Variants in ADCY8 observed in about 807,000 individuals in gnomAD.
The protein encoded by ADCY8 is adenylate cyclase type 8.
A neutral mutation model predicts 119.7 loss-of-function variants in ADCY8; 51 were observed. The ratio of observed to expected loss-of-function variants is 0.43; its 90% confidence interval spans 0.34 to 0.54. The LOEUF (loss-of-function observed/expected upper bound fraction) is 0.54, where lower values mean the gene tolerates loss of function less well. Ranked by LOEUF, ADCY8 falls within the 20% of genes least tolerant of loss-of-function variation. The pLI is 0.03. For synonymous variants in ADCY8, 665 were observed against 651.0 expected, an observed-to-expected ratio of 1.02 and a Z score of -0.33; for missense variants, 1,383 against 1,598.8, an observed-to-expected ratio of 0.87 and a Z score of 2.30.
At chr8:130,791,039 T>C (rs970919897) in intron 15 of ADCY8, among the ~76,000 whole-genome samples, 2 of 152,210 alleles carry the variant, frequency 1.3e-5, no homozygotes, top group Non-Finnish European at 2.9e-5. Context: ...TGGTTCTGTG[T>C]GGTTCAGCAC....
intron 15 of ADCY8, among the ~76,000 whole-genome samples, chr8:130,787,610 G>A (rs539402510): frequency 1.3e-5 from 2 of 152,338 alleles, no homozygotes; most frequent in South Asian, 2.1e-4. Flanking sequence ...CAGTACATGT[G>A]TAGTGATGTG....
chr8:130,787,242 G>A (rs993129946), intron 15 of ADCY8, among the ~76,000 whole-genome samples: 4 of 152,162 alleles, frequency 2.6e-5, no homozygotes, highest in Admixed American at 2.0e-4. Flanking sequence ...CATGAGGGGA[G>A]GGAAACATGA....
intron 7 of ADCY8, among the ~76,000 whole-genome samples, chr8:130,890,295 A>T (rs968871798): frequency 1.4e-4 from 21 of 152,140 alleles, no homozygotes; most frequent in Non-Finnish European, 2.5e-4. Flanking sequence ...GCACATGTAT[A>T]CATATGTAAC....
At chr8:130,939,748 C>T (rs1820901650) in intron 4 of ADCY8, among the ~76,000 whole-genome samples, 1 of 152,180 alleles carries the variant, frequency 6.6e-6, no homozygotes, top group Non-Finnish European at 1.5e-5. Flanking sequence ...GTAAGCTTGG[C>T]CATTACTTAA....
intron 11 of ADCY8, among the ~76,000 whole-genome samples, chr8:130,841,096 A>G (rs1586468775): frequency 1.3e-5 from 2 of 152,314 alleles, no homozygotes; most frequent in African/African-American, 4.8e-5. Flanking sequence ...AACTCCAGGT[A>G]AGATTGGTGG....
intron 7 of ADCY8, among the ~76,000 whole-genome samples, chr8:130,893,163 A>G (rs1345971123): frequency 6.6e-6 from 1 of 152,212 alleles, no homozygotes; most frequent in East Asian, 1.9e-4. Flanking sequence ...AGATCCGACC[A>G]CTTTGACGCC....
chr8:130,916,757 C>G (rs536138122), intron 5 of ADCY8, among the ~76,000 whole-genome samples: 2 of 152,352 alleles, frequency 1.3e-5, no homozygotes, highest in East Asian at 3.9e-4. Context: ...TTCGGCCCAT[C>G]CCTTCGTTTC....
Position 130,958,911 on chromosome 8 carries a change from G to A in ADCY8, c.1111-6913C>T, listed in dbSNP as rs184143110. On this transcript the variant is annotated intron_variant, in intron 2 of 17. Coordinates refer to ENST00000286355, the MANE Select transcript of ADCY8 (RefSeq NM_001115.3). ...GTCTATCTATTTCACTTAAATATAA[G>A]CTTTATGATGATATACCTTTTGTCT... 7.2e-3 allele frequency among the ~76,000 whole-genome samples: 1,091 copies of A among 151,682 alleles called. 18 individuals carry two copies. The highest frequency in any genetic ancestry group is 0.024 in the African/African-American group (1,011 of 41,364).
intron 2 of ADCY8, among the ~76,000 whole-genome samples, chr8:130,972,840 A>G (rs1821963073): frequency 1.2e-4 from 1 of 8,216 alleles, no homozygotes. Flanking sequence ...CTTCAGCATC[A>G]GTTTTTTTTT....
intron 1 of ADCY8, among the ~76,000 whole-genome samples, chr8:131,029,876 G>T (rs944320113): frequency 7.4e-5 from 11 of 148,612 alleles, no homozygotes; most frequent in Admixed American, 2.0e-4. Flanking sequence ...GGAGTAGGGG[G>T]TGGCTAGGGG....
At chr8:130,915,702 A>C (rs1820105180) in intron 5 of ADCY8, among the ~76,000 whole-genome samples, 1 of 152,190 alleles carries the variant, frequency 6.6e-6, no homozygotes, top group African/African-American at 2.4e-5. Context: ...TTTTGGAAGT[A>C]ATACCATTTT....
chr8:131,012,258 A>G (rs1255572690), intron 1 of ADCY8, among the ~76,000 whole-genome samples: 1 of 152,200 alleles, frequency 6.6e-6, no homozygotes, highest in African/African-American at 2.4e-5. Context: ...TGAGGAAGTC[A>G]TGGTGACCAG....
At chr8:131,031,211 G>C (rs1823986911) in intron 1 of ADCY8, among the ~76,000 whole-genome samples, 2 of 152,110 alleles carry the variant, frequency 1.3e-5, no homozygotes, top group Admixed American at 6.5e-5. Context: ...GCTTCTCCTT[G>C]GGGAATGCCC....
Position 130,962,924 on chromosome 8 carries a change from G to C in ADCY8, c.1111-10926C>G, listed in dbSNP as rs140286823. On this transcript the variant is annotated intron_variant, in intron 2 of 17. Transcript: ENST00000286355. The stretch of plus-strand genomic sequence containing the variant: ...ATTGTTGTTGATCACACATTACGTA[G>C]CACACCAAGTGCTTCCTATTTATTG... Among the ~76,000 whole-genome samples, 712 of 152,248 alleles carry C rather than the reference G, an allele frequency of 4.7e-3. 9 individuals carry two copies. Among genetic ancestry groups the C allele is most frequent in the African/African-American group, 0.016 (659 of 41,530 alleles).
intron 12 of ADCY8, among the ~76,000 whole-genome samples, chr8:130,831,334 T>C (rs1563682983): frequency 6.6e-6 from 1 of 152,260 alleles, no homozygotes; most frequent in Non-Finnish European, 1.5e-5. Context: ...GTAATGGTCC[T>C]TGTCTTCAAA....
intron 2 of ADCY8, among the ~76,000 whole-genome samples, chr8:130,965,655 G>T (rs1411432797): frequency 6.6e-6 from 1 of 151,906 alleles, no homozygotes; most frequent in Non-Finnish European, 1.5e-5. Flanking sequence ...ATTCAAACTT[G>T]ATATTATCAG....
At chr8:130,973,508 G>A (rs1821984570) in intron 2 of ADCY8, among the ~76,000 whole-genome samples, 1 of 152,222 alleles carries the variant, frequency 6.6e-6, no homozygotes, top group South Asian at 2.1e-4. Flanking sequence ...CAAAATACTA[G>A]GCATGTGAGT....
intron 5 of ADCY8, among the ~76,000 whole-genome samples, chr8:130,922,725 A>G (rs2130587251): frequency 6.6e-6 from 1 of 152,190 alleles, no homozygotes; most frequent in Middle Eastern, 3.4e-3. Context: ...GCTGTTGGGT[A>G]CACCTCGCAG....
chr8:130,966,118 T>C (rs1331502550), intron 2 of ADCY8, among the ~76,000 whole-genome samples: 1 of 152,148 alleles, frequency 6.6e-6, no homozygotes, highest in Non-Finnish European at 1.5e-5. Context: ...AATCTAAGGG[T>C]GAAACTGAGG....
Sources: gnomAD v4.1 joint callset for allele counts (sites outside exome capture counted in the v4.1 genomes callset) on GRCh38, gnomAD v4.1.1 for gene constraint, MANE v1.5 for transcripts, NCBI Gene and HGNC (gene_info 2026-07-23, HGNC 2026-07-21) for gene names.